Variants in PSD2 observed in about 807,000 individuals in gnomAD.
PSD2 encodes the protein pleckstrin and Sec7 domain containing 2, also known as PH and SEC7 domain-containing protein 2.
PSD2 carries 38 observed loss-of-function variants against 69.8 expected under a neutral mutation model. That is an observed-to-expected ratio of 0.54 (90% CI 0.42 to 0.71). PSD2 has a LOEUF of 0.71. Among genes scored for constraint, PSD2 ranks in the 30% least tolerant of loss-of-function variants. The pLI is 0.00. For missense variants in PSD2, 943 were observed against 1,014.5 expected (o/e 0.93, Z 0.96); for synonymous variants, 412 against 423.0 (o/e 0.97, Z 0.32).
the PSD2 span, among the ~76,000 whole-genome samples, chr5:139,764,566 G>A: frequency 6.6e-6 from 1 of 152,160 alleles, no homozygotes; most frequent in Non-Finnish European, 1.5e-5. Flanking sequence ...GGATGCGGCA[G>A]CGTCTCCATG....
At chr5:139,842,151 CT>C in intron 14 of PSD2, 119 bp from the exon 15 acceptor site, 1 of 750,052 alleles carries the variant, frequency 1.3e-6, no homozygotes, top group Non-Finnish European at 2.2e-6. Flanking sequence ...TGTTCATCTT[CT>C]TTTTAATGAT....
At chr5:139,804,560 A>G (rs915373604) in intron 1 of PSD2, among the ~76,000 whole-genome samples, 1 of 152,028 alleles carries the variant, frequency 6.6e-6, no homozygotes, top group Non-Finnish European at 1.5e-5. Flanking sequence ...GAGGTCAGAG[A>G]GGGGTTTTTT....
upstream of PSD2, among the ~76,000 whole-genome samples, chr5:139,794,379 C>A (rs1331285551): frequency 2.0e-5 from 3 of 152,134 alleles, no homozygotes; most frequent in Non-Finnish European, 4.4e-5. Flanking sequence ...TGATGAAGTC[C>A]CAGCTCCTGC....
chr5:139,761,743 T>G, the PSD2 span, among the ~76,000 whole-genome samples: 1 of 152,306 alleles, frequency 6.6e-6, no homozygotes, highest in African/African-American at 2.4e-5. Flanking sequence ...CTGGTGCTGT[T>G]TCCTGACTGC....
intron 2 of PSD2, 58 bp from the exon 3 acceptor site, chr5:139,813,251 C>A: frequency 1.4e-6 from 2 of 1,415,114 alleles, no homozygotes; most frequent in Non-Finnish European, 1.9e-6. Context: ...GTGTAGTCAC[C>A]AGCACCTGTA....
In PSD2 at chr5:139,809,984, G is replaced by A. The variant is rs554852124; in HGVS notation, c.371+173G>A. ...TGTTTTGAAAGGACAGAGCCTTGAC[G>A]GAGAATTCAAAGGCCAGCAGATTGG... On this transcript the variant is annotated intron_variant, in intron 2 of 14. Transcript: ENST00000274710. 3.3e-5 allele frequency among the ~76,000 whole-genome samples: 5 copies of A among 152,068 alleles called. No homozygotes were observed. In the East Asian group the frequency reaches 7.7e-4, roughly 24 times the overall value.
chr5:139,782,086 GC>G, the PSD2 span, among the ~76,000 whole-genome samples: 2 of 152,234 alleles, frequency 1.3e-5, no homozygotes, highest in Admixed American at 1.3e-4. Flanking sequence ...GCTCCCAGTG[GC>G]CCTTCACAGG....
chr5:139,785,656 A>G, the PSD2 span, among the ~76,000 whole-genome samples: 1 of 152,310 alleles, frequency 6.6e-6, no homozygotes, highest in Admixed American at 6.5e-5. Context: ...CAGGAGGGCA[A>G]GGATTTTTGT....
chr5:139,832,299 A>G (rs962347956), intron 7 of PSD2, among the ~76,000 whole-genome samples: 4 of 152,250 alleles, frequency 2.6e-5, no homozygotes, highest in African/African-American at 4.8e-5. Context: ...TTATATATCT[A>G]TACACACATA....
chr5:139,765,422 G>A, the PSD2 span, among the ~76,000 whole-genome samples: 1 of 152,048 alleles, frequency 6.6e-6, no homozygotes, highest in Non-Finnish European at 1.5e-5. Context: ...CTATTAATCG[G>A]CCCAGTACCC....
intron 7 of PSD2, among the ~76,000 whole-genome samples, chr5:139,833,029 A>T (rs1038581554): frequency 6.6e-5 from 10 of 152,126 alleles, no homozygotes; most frequent in African/African-American, 2.4e-4. Context: ...TGTCCATGGC[A>T]ATTGATTTTT....
chr5:139,806,516 C>T (rs747996793), intron 1 of PSD2, among the ~76,000 whole-genome samples: 1 of 152,192 alleles, frequency 6.6e-6, no homozygotes, highest in Non-Finnish European at 1.5e-5. Flanking sequence ...TCAAATATGG[C>T]GGTAGAAAGG....
chr5:139,742,738 G>A, the PSD2 span, among the ~76,000 whole-genome samples: 1 of 152,192 alleles, frequency 6.6e-6, no homozygotes, highest in Non-Finnish European at 1.5e-5. Flanking sequence ...GTGTGAGTGT[G>A]CCACATTGTG....
chr5:139,804,965 G>A (rs1009570997), intron 1 of PSD2, among the ~76,000 whole-genome samples: 4 of 150,748 alleles, frequency 2.7e-5, no homozygotes, highest in African/African-American at 9.8e-5. Flanking sequence ...GTGTATGTGT[G>A]CGTGTGTGCG....
chr5:139,792,002 G>A (rs908550518), upstream of PSD2, among the ~76,000 whole-genome samples: 5 of 152,230 alleles, frequency 3.3e-5, no homozygotes, highest in Non-Finnish European at 7.3e-5. Flanking sequence ...GCGTGAAGGG[G>A]AAGGCATCCC....
the PSD2 span, among the ~76,000 whole-genome samples, chr5:139,773,684 G>T: frequency 6.6e-6 from 1 of 152,112 alleles, no homozygotes; most frequent in Non-Finnish European, 1.5e-5. Context: ...AGGCTGAGTA[G>T]TACTCCACTG....
At position 139,814,121 on chromosome 5, in the gene PSD2, T is replaced by G; in HGVS notation, c.822-49T>G. The G allele has an allele frequency of 6.3e-7, 1 of 1,589,270 alleles. No individual in the cohort carries two copies. The highest frequency in any genetic ancestry group is 2.2e-5 in the East Asian group (1 of 44,550). On this transcript the variant is annotated intron_variant, in intron 3 of 14. Coordinates refer to ENST00000274710, the MANE Select transcript of PSD2 (RefSeq NM_032289.4). This position sits in a 1 kb window ranked among gnomAD's most constrained non-coding sequence, Gnocchi z 4.4. ...AACCTCCCAGCCTCCTCTGGGGCCT[T>G]TGACCCTGGGCCTCTGACGCTACTC...
chr5:139,783,898 C>G, the PSD2 span, among the ~76,000 whole-genome samples: 1 of 150,316 alleles, frequency 6.7e-6, no homozygotes. Context: ...TTTTCTCAGT[C>G]CCTCTTCTTG....
chr5:139,767,286 C>T, the PSD2 span, among the ~76,000 whole-genome samples: 7 of 151,148 alleles, frequency 4.6e-5, no homozygotes, highest in Non-Finnish European at 8.8e-5. Context: ...AGCCACCGCA[C>T]CCAGCCACCA....
Sources: allele counts gnomAD v4.1 joint callset (sites outside exome capture counted in the v4.1 genomes callset), GRCh38; gene constraint gnomAD v4.1.1; non-coding constraint Gnocchi (gnomAD v3.1); transcripts MANE v1.5; gene names NCBI Gene and HGNC (gene_info 2026-07-23, HGNC 2026-07-21).